Variants in SLC6A7 observed in about 807,000 individuals in gnomAD.
The protein encoded by SLC6A7 is sodium-dependent proline transporter.
A neutral mutation model predicts 73.1 loss-of-function variants in SLC6A7; 58 were observed. The observed-to-expected ratio is 0.79, with a 90% CI of 0.64 to 0.99. The LOEUF is 0.99. Ranked by LOEUF, SLC6A7 falls within the 50% of genes least tolerant of loss-of-function variation. The pLI, the probability that SLC6A7 is intolerant of heterozygous loss-of-function variation, is 0.00. For missense variants in SLC6A7, 783 were observed against 831.4 expected (o/e 0.94, Z 0.72); for synonymous variants, 338 against 338.7 (o/e 1.00, Z 0.02).
intron 4 of SLC6A7, among the ~76,000 whole-genome samples, chr5:150,197,806 G>A (rs113807569): frequency 0.014 from 2,097 of 152,180 alleles, 41 homozygotes; most frequent in African/African-American, 0.046. Context: ...AGGCCAGGAC[G>A]TACATAGTAA....
rs948058856 is a variant in SLC6A7, at chr5:150,195,049, C to T, written c.217+138C>T. On this transcript the variant is annotated intron_variant, in intron 2 of 13. Coordinates refer to ENST00000230671, the MANE Select transcript of SLC6A7 (RefSeq NM_014228.5). ...ACTCATTGAAAGTGGTTTATAGTAA[C>T]TTGGGGCTGGGAGGAAGGAGTTTAC... 14 of 681,548 alleles carry T rather than the reference C, an allele frequency of 2.1e-5. No individual in the cohort carries two copies. In the Admixed American group the frequency reaches 2.7e-4, roughly 13 times the overall value. 42.2% of individuals were successfully genotyped at this position (681,548 alleles called of 1,614,324 possible).
At chr5:150,198,316 TA>T (rs1336238044) in intron 4 of SLC6A7, among the ~76,000 whole-genome samples, 2 of 152,172 alleles carry the variant, frequency 1.3e-5, no homozygotes, top group African/African-American at 4.8e-5. Context: ...CCCTTACCTA[TA>T]AAGGACTGCT....
rs751335331 is a variant in SLC6A7 at position 150,202,386 on chromosome 5, G to C, written c.898G>C (p.Gly300Arg). ...EAALQIFYSL[G>R]VGFGGLLTFA... ...TGCTCTTCAGATCTTCTATTCCCTG[G>C]GTGTGGGCTTCGGGGGGCTCCTCAC... The change falls in exon 7 of 14, where the codon GGT becomes CGT. Residue 300 changes from glycine to arginine, a missense_variant. Transcript: ENST00000230671. The C allele has an allele frequency of 3.7e-6, 6 of 1,614,144 alleles. No homozygotes were observed. Among genetic ancestry groups the C allele is most frequent in the Non-Finnish European group, 5.1e-6 (6 of 1,180,008 alleles).
chr5:150,190,931 C>T (rs547625646), intron 1 of SLC6A7, among the ~76,000 whole-genome samples: 168 of 152,270 alleles, frequency 1.1e-3, no homozygotes, highest in Non-Finnish European at 1.7e-3. Flanking sequence ...AGGGGGCTAT[C>T]GGAGGCAGGA....
intron 1 of SLC6A7, 112 bp from the exon 2 acceptor site, chr5:150,194,616 T>A (rs1253259620): frequency 3.9e-6 from 3 of 769,374 alleles, no homozygotes; most frequent in Non-Finnish European, 6.5e-6. Context: ...TTATCTGGAC[T>A]GAGAATGTCT....
Position 150,209,950 on chromosome 5 carries a change from C to T in SLC6A7, c.*335C>T, listed in dbSNP as rs1351064511. 2 of 339,776 alleles carry T rather than the reference C, an allele frequency of 5.9e-6. No individual in the cohort carries two copies. The highest frequency in any genetic ancestry group is 1.1e-5 in the Non-Finnish European group (2 of 178,714). 21.0% of individuals were successfully genotyped at this position (339,776 alleles called of 1,614,324 possible). On this transcript the variant is annotated 3_prime_UTR_variant, in exon 14 of 14. Coordinates refer to ENST00000230671, the MANE Select transcript of SLC6A7 (RefSeq NM_014228.5). ...GGGGACTTGAACCCACGCCTCCTGA[C>T]CAGCCAGCTCCCTTTCCCATGGGGC...
rs755513962 is a variant in SLC6A7 at position 150,209,484 on chromosome 5, A to C, written c.1780A>C (p.Thr594Pro). Residue 594 changes from threonine to proline, a missense_variant, in exon 14 of 14, where the codon ACG (threonine) becomes CCG (proline). Transcript: ENST00000230671. Reference protein sequence around the residue: ...EENRTGMYVATLAGSQSPKPL... With the variant: ...EENRTGMYVAPLAGSQSPKPL... ...GAACCGGACGGGCATGTATGTGGCCACGCTGGCTGGGAGCCAGTCACCAAA... is the reference window on the plus strand; with the variant it reads ...GAACCGGACGGGCATGTATGTGGCCCCGCTGGCTGGGAGCCAGTCACCAAA... 3 of 1,614,192 alleles carry C rather than the reference A, an allele frequency of 1.9e-6. No individual in the cohort carries two copies. The highest frequency in any genetic ancestry group is 2.5e-6 in the Non-Finnish European group (3 of 1,180,040).
chr5:150,205,281 T>TG (rs5872165), intron 12 of SLC6A7, among the ~76,000 whole-genome samples, 175 bp from the exon 13 acceptor site: 152,280 of 152,282 alleles, frequency 1, 76,139 homozygotes, highest in Non-Finnish European at 1. Context: ...ATGGGCTGGC[T>TG]AAACCCTCAA....
At chr5:150,190,999 C>A (rs1752758565) in intron 1 of SLC6A7, among the ~76,000 whole-genome samples, 1 of 152,142 alleles carries the variant, frequency 6.6e-6, no homozygotes, top group African/African-American at 2.4e-5. Context: ...GCCCAGACCT[C>A]AGGCTCTCCC....
At chr5:150,204,337 AG>A (rs2113985315) in intron 10 of SLC6A7, among the ~76,000 whole-genome samples, 194 bp from the exon 11 acceptor site, 1 of 152,232 alleles carries the variant, frequency 6.6e-6, no homozygotes, top group African/African-American at 2.4e-5. Flanking sequence ...CAGTAAAAGG[AG>A]GGTTCTATAA....
At chr5:150,198,099 G>GA (rs1220433021) in intron 4 of SLC6A7, among the ~76,000 whole-genome samples, 1 of 109,388 alleles carries the variant, frequency 9.1e-6, no homozygotes. Context: ...AAGAAAGAAA[G>GA]AAAGAAAGAA....
chr5:150,194,289 C>T (rs769718899), intron 1 of SLC6A7, among the ~76,000 whole-genome samples: 2 of 151,892 alleles, frequency 1.3e-5, no homozygotes, highest in Non-Finnish European at 2.9e-5. Context: ...ATTAGCCGGG[C>T]GTGGTGGTGG....
Position 150,204,859 on chromosome 5 carries a change from A to G in SLC6A7, c.1465A>G (p.Met489Val). The G allele has an allele frequency of 2.0e-6, 3 of 1,488,174 alleles. No individual in the cohort carries two copies. The highest frequency in any genetic ancestry group is 2.7e-6 in the Non-Finnish European group (3 of 1,097,840). The allele number at this position is 1,488,174 out of a possible 1,614,324, so 92.2% of individuals were successfully genotyped here. The stretch of plus-strand genomic sequence containing the variant: ...GAGGTTCTGCCGAGACATCCACATG[A>G]TGCTGGGCTTCAAGCCGGGCCTCTA... ...IQRFCRDIHM[M>V]LGFKPGLYFR... The change falls in exon 12 of 14, where the codon ATG becomes GTG. Residue 489 changes from methionine (M) to valine (V), a missense_variant. By Grantham distance (21) the Met-to-Val change is conservative. Coordinates refer to ENST00000230671, the MANE Select transcript of SLC6A7 (RefSeq NM_014228.5).
Position 150,209,453 on chromosome 5 carries a change from G to T in SLC6A7, c.1749G>T (p.Leu583=), listed in dbSNP as rs1753857581. 1 of 1,614,022 alleles carries T rather than the reference G, an allele frequency of 6.2e-7. No homozygotes were observed. The highest frequency in any genetic ancestry group is 1.3e-5 in the African/African-American group (1 of 74,946). ...SRPAMDWGPS[L]EENRTGMYVA... ...CGGCCATGGACTGGGGACCATCGCT[G>T]GAGGAGAACCGGACGGGCATGTATG... The change falls in exon 14 of 14, where the codon CTG becomes CTT. Residue 583 remains leucine, a synonymous_variant. Transcript: ENST00000230671.
intron 5 of SLC6A7, among the ~76,000 whole-genome samples, chr5:150,200,296 C>A (rs1753300550): frequency 6.6e-6 from 1 of 152,098 alleles, no homozygotes; most frequent in Non-Finnish European, 1.5e-5. Flanking sequence ...AATTCAAGGC[C>A]AGCCTGGCCA....
Position 150,209,409 on chromosome 5 carries a change from C to T in SLC6A7, c.1705C>T (p.Leu569Phe). ...LREEGSLWER[L>F]QQASRPAMDW... ...TGCTCTCGTTGCTTTGCTGCAGCGGCTCCAACAGGCCAGCCGGCCGGCCAT... is the reference window on the plus strand; with the variant it reads ...TGCTCTCGTTGCTTTGCTGCAGCGGTTCCAACAGGCCAGCCGGCCGGCCAT... The change falls in exon 14 of 14, where the codon CTC becomes TTC. Residue 569 changes from leucine (L) to phenylalanine (F), a missense_variant. By Grantham distance (22) the Leu-to-Phe change is conservative. Transcript: ENST00000230671. 3 of 1,613,202 alleles carry T rather than the reference C, an allele frequency of 1.9e-6. No individual in the cohort carries two copies. The highest frequency in any genetic ancestry group is 1.1e-5 in the South Asian group (1 of 91,042).
At position 150,201,286 on chromosome 5, in the gene SLC6A7, G is replaced by T; in HGVS notation, c.858+63G>T. 10 of 1,390,558 alleles carry T rather than the reference G, an allele frequency of 7.2e-6. No homozygotes were observed. The South Asian group carries it at 1.4e-4, about 19-fold the overall frequency. 86.1% of individuals were successfully genotyped at this position (1,390,558 alleles called of 1,614,324 possible). A position where few individuals can be genotyped will look rare whatever the true frequency, so the allele number is the denominator to read the frequency against. ...GGCCTGAGCTGGAGAGTGGAAAGAG[G>T]GCTCCCTGGGACACCGCAGTACCAG... is the stretch of plus-strand genomic sequence containing the variant. On this transcript the variant is annotated intron_variant, in intron 6 of 13. Coordinates refer to ENST00000230671, the MANE Select transcript of SLC6A7 (RefSeq NM_014228.5).
chr5:150,203,820 G>GGTGTGTGTGTGT lies in SLC6A7; in HGVS notation c.1201-54_1201-43dup, dbSNP rs35380195. The GGTGTGTGTGTGT allele has an allele frequency of 4.1e-3, 3,301 of 802,046 alleles. 52 individuals carry two copies. The highest frequency in any genetic ancestry group is 0.035 in the African/African-American group (1,749 of 49,756). The allele number at this position is 802,046 out of a possible 1,614,324, so 49.7% of individuals were successfully genotyped here. On this transcript the variant is annotated intron_variant, in intron 9 of 13. Coordinates refer to ENST00000230671, the MANE Select transcript of SLC6A7 (RefSeq NM_014228.5). ...GGCAGCAGGCACCCCGTGTGTGTGT[G>GGTGTGTGTGTGT]GTGTGTGTGTGTGTGTGTGTGTGTG...
At chr5:150,195,527 G>C (rs1248287546) in intron 2 of SLC6A7, among the ~76,000 whole-genome samples, 1 of 152,166 alleles carries the variant, frequency 6.6e-6, no homozygotes, top group East Asian at 1.9e-4. Flanking sequence ...ATTTAACCCT[G>C]GTGATGACCC....
Sources: gnomAD v4.1 joint callset for allele counts (sites outside exome capture counted in the v4.1 genomes callset) on GRCh38, gnomAD v4.1.1 for gene constraint, MANE v1.5 for transcripts, NCBI Gene and HGNC (gene_info 2026-07-23, HGNC 2026-07-21) for gene names.